The following RBFOX1 variants were observed in gnomAD, a reference collection of about 807,000 sequenced individuals.
RBFOX1 encodes RNA binding protein fox-1 homolog 1.
Under a neutral mutation model 57.7 loss-of-function variants are expected in RBFOX1, and 8 were observed. The ratio of observed to expected loss-of-function variants is 0.14; its 90% CI spans 0.08 to 0.25. The LOEUF is 0.25. Among genes scored for constraint, RBFOX1 ranks in the 10% least tolerant of loss-of-function variants. The pLI is 1.00. For synonymous variants in RBFOX1, 326 were observed against 222.4 expected (o/e 1.47, Z -4.15); for missense variants, 611 against 548.5 (o/e 1.11, Z -1.14).
intron 1 of RBFOX1, among the ~76,000 whole-genome samples, chr16:6,289,916 C>G (rs2077291391): frequency 6.6e-6 from 1 of 151,326 alleles, no homozygotes; most frequent in African/African-American, 2.4e-5. Context: ...GTAGAGAAAT[C>G]TGAATGCCTT....
intron 1 of RBFOX1, among the ~76,000 whole-genome samples, chr16:5,351,325 A>G (rs990604894): frequency 6.6e-6 from 1 of 152,162 alleles, no homozygotes; most frequent in East Asian, 1.9e-4. Context: ...TCTTCTAACT[A>G]CTCTAGAAGG....
chr16:6,539,494 C>G (rs2096781632), intron 2 of RBFOX1, among the ~76,000 whole-genome samples: 1 of 152,046 alleles, frequency 6.6e-6, no homozygotes, highest in Non-Finnish European at 1.5e-5. Context: ...GCACAATATA[C>G]TTCTTTAAAA....
At chr16:7,540,419 C>T (rs890708226) in intron 5 of RBFOX1, among the ~76,000 whole-genome samples, 1 of 152,188 alleles carries the variant, frequency 6.6e-6, no homozygotes, top group Non-Finnish European at 1.5e-5. Flanking sequence ...CCATGCAAGA[C>T]TTGGCAAGTA....
At chr16:5,493,785 C>A (rs916866222) in intron 2 of RBFOX1, among the ~76,000 whole-genome samples, 1 of 152,190 alleles carries the variant, frequency 6.6e-6, no homozygotes. Flanking sequence ...AGACCTTGAA[C>A]GCACAAGGTA....
chr16:5,934,264 C>G lies in RBFOX1; in HGVS notation c.351+66929C>G, dbSNP rs534638440. 2.0e-5 allele frequency among the ~76,000 whole-genome samples: 3 copies of G among 152,348 alleles called. 1 individual carries two copies. In the South Asian group the frequency reaches 6.2e-4, roughly 32 times the overall value. ...AGCTTTAATGCCTCTCCAAAGCTCC[C>G]CAGCTTCCCTTTACTACAAAGAGGC... On this transcript the variant is annotated intron_variant, in intron 4 of 19. Transcript: ENST00000641259.
chr16:5,245,265 G>A (rs1172767594), intron 1 of RBFOX1, among the ~76,000 whole-genome samples: 2 of 152,162 alleles, frequency 1.3e-5, no homozygotes, highest in Non-Finnish European at 2.9e-5. Context: ...GGAGGTGAAT[G>A]GTCAAGTCTG....
At chr16:7,183,758 G>C (rs2083191001) in intron 4 of RBFOX1, among the ~76,000 whole-genome samples, 1 of 152,192 alleles carries the variant, frequency 6.6e-6, no homozygotes, top group African/African-American at 2.4e-5. Context: ...AATTGATAAA[G>C]CTTAGGAGGA....
At chr16:5,463,567 A>T (rs1275736137) in intron 1 of RBFOX1, among the ~76,000 whole-genome samples, 1 of 152,164 alleles carries the variant, frequency 6.6e-6, no homozygotes, top group Non-Finnish European at 1.5e-5. Context: ...TGGGAGGCCG[A>T]GGCAGGCGGA....
intron 1 of RBFOX1, among the ~76,000 whole-genome samples, chr16:6,146,625 G>C (rs772515513): frequency 2.0e-5 from 3 of 152,086 alleles, no homozygotes; most frequent in East Asian, 1.9e-4. Flanking sequence ...AAAATATAAA[G>C]TCCTTAGGAC....
intron 4 of RBFOX1, among the ~76,000 whole-genome samples, chr16:5,981,913 C>T (rs559047062): frequency 4.2e-4 from 64 of 152,346 alleles, no homozygotes; most frequent in African/African-American, 1.5e-3. Flanking sequence ...GTAAACATCC[C>T]ATAGTGCACC....
At chr16:5,496,671 T>A (rs961465666) in intron 2 of RBFOX1, among the ~76,000 whole-genome samples, 1 of 152,140 alleles carries the variant, frequency 6.6e-6, no homozygotes, top group Non-Finnish European at 1.5e-5. Flanking sequence ...AGGAGACGTG[T>A]TTGGGATGGG....
chr16:6,441,297 C>G (rs2191430), intron 2 of RBFOX1, among the ~76,000 whole-genome samples: 1 of 152,154 alleles, frequency 6.6e-6, no homozygotes, highest in Admixed American at 6.6e-5. Context: ...CCCAGACATC[C>G]TAAGGGAACG....
rs567376054 is a variant in RBFOX1 at position 6,193,704 on chromosome 16, T to C, written c.-126-123291T>C. Among the ~76,000 whole-genome samples the C allele has an allele frequency of 1.6e-4, 24 of 152,154 alleles. No individual in the cohort carries two copies. In the East Asian group the frequency reaches 2.9e-3, roughly 18 times the overall value. ...TTCAGCCTTCATTTTTCAGCCTGAT[T>C]TTTACCTTGATTCTCACATTGAAAC... On this transcript the variant is annotated intron_variant, in intron 1 of 15. Coordinates refer to ENST00000550418, the MANE Select transcript of RBFOX1 (RefSeq NM_018723.4).
chr16:7,409,358 A>C (rs1244337783), intron 4 of RBFOX1, among the ~76,000 whole-genome samples: 1 of 152,218 alleles, frequency 6.6e-6, no homozygotes, highest in Non-Finnish European at 1.5e-5. Context: ...TTATAAACCC[A>C]CATGCCTGTT....
At chr16:7,475,685 G>A (rs1241917616) in intron 4 of RBFOX1, among the ~76,000 whole-genome samples, 1 of 152,114 alleles carries the variant, frequency 6.6e-6, no homozygotes, top group African/African-American at 2.4e-5. Context: ...TATAACTCTG[G>A]GTTTGCTGCT....
intron 2 of RBFOX1, among the ~76,000 whole-genome samples, chr16:6,493,825 G>A (rs919196874): frequency 5.9e-5 from 9 of 152,096 alleles, no homozygotes; most frequent in Admixed American, 1.3e-4. Flanking sequence ...CTTTAAACAC[G>A]CCAACTGAAT....
chr16:6,938,333 C>T (rs768057318), intron 3 of RBFOX1, among the ~76,000 whole-genome samples: 4 of 151,980 alleles, frequency 2.6e-5, no homozygotes, highest in South Asian at 2.1e-4. Context: ...TAATTGAAAC[C>T]GAAGCCTATT....
chr16:5,336,852 T>G (rs1348448688), intron 1 of RBFOX1, among the ~76,000 whole-genome samples: 1 of 152,204 alleles, frequency 6.6e-6, no homozygotes, highest in Non-Finnish European at 1.5e-5. Context: ...AAAAGACTTG[T>G]TTATCCTTTC....
chr16:5,564,691 C>T (rs370192817), intron 2 of RBFOX1, among the ~76,000 whole-genome samples: 11 of 152,284 alleles, frequency 7.2e-5, no homozygotes, highest in African/African-American at 2.2e-4. Flanking sequence ...GGCTTTCTGG[C>T]AAGCATCCAG....
Sources: allele counts gnomAD v4.1 joint callset (sites outside exome capture counted in the v4.1 genomes callset), GRCh38; gene constraint gnomAD v4.1.1; transcripts MANE v1.5; gene names NCBI Gene and HGNC (gene_info 2026-07-23, HGNC 2026-07-21).